Variants in GVQW3 observed in about 807,000 individuals in gnomAD.
The protein encoded by GVQW3 is protein GVQW3.
GVQW3 carries 7 observed loss-of-function variants against 12.5 expected under a neutral mutation model. That is an observed-to-expected ratio of 0.56 (90% confidence interval 0.32 to 1.05). The LOEUF is 1.05. Ranked by LOEUF, GVQW3 falls within the 50% of genes least tolerant of loss-of-function variation. The pLI is 0.04. For missense variants in GVQW3, 188 were observed against 190.8 expected (o/e 0.99, Z 0.09); for synonymous variants, 71 against 67.2 (o/e 1.06, Z -0.28).
intron 1 of GVQW3, among the ~76,000 whole-genome samples, chr11:76,393,566 T>A (rs1946912550): frequency 6.6e-6 from 1 of 152,128 alleles, no homozygotes; most frequent in Non-Finnish European, 1.5e-5. Context: ...GTGCCTGGAA[T>A]CCCTCTCTGC....
In GVQW3 at chr11:76,397,612, T is replaced by G. The variant is rs111929699; in HGVS notation, c.466-6048T>G. On this transcript the variant is annotated intron_variant, in intron 1 of 1. Transcript: ENST00000529331. ...TTGTAACATTTGTTAATTTCTAGAG[T>G]GTAAATATTCAAATTACCAATGTGG... Among the ~76,000 whole-genome samples, 910 of 152,262 alleles carry G rather than the reference T, an allele frequency of 6.0e-3. 5 individuals are homozygous for G. Among genetic ancestry groups the G allele is most frequent in the African/African-American group, 0.019 (786 of 41,552 alleles).
chr11:76,405,488 G>C lies in GVQW3; in HGVS notation c.*1730G>C, dbSNP rs1947030892. The C allele has an allele frequency of 6.6e-6, 1 of 152,086 alleles. No homozygotes were observed. The highest frequency in any genetic ancestry group is 6.6e-5 in the Admixed American group (1 of 15,244). The allele number at this position is 152,086 out of a possible 1,614,324, so 9.4% of individuals were successfully genotyped here. A position where few individuals can be genotyped will look rare whatever the true frequency, so the allele number is the denominator to read the frequency against. ...GAAGTAGCATCCTCCTTTACTAATG[G>C]GACCTAACACACAGCTGGCAAAAGG... On this transcript the variant is annotated 3_prime_UTR_variant, in exon 2 of 2. Transcript: ENST00000529331.
chr11:76,395,285 A>C (rs959579321), intron 1 of GVQW3, among the ~76,000 whole-genome samples: 1 of 152,242 alleles, frequency 6.6e-6, no homozygotes, highest in Non-Finnish European at 1.5e-5. Flanking sequence ...CTCATTAAGC[A>C]GTCATTCTCC....
chr11:76,409,864 T>C (rs946792533), downstream of GVQW3, among the ~76,000 whole-genome samples: 3 of 152,184 alleles, frequency 2.0e-5, no homozygotes, highest in Non-Finnish European at 4.4e-5. Flanking sequence ...AAACAATTTA[T>C]TGATCAGTGC....
chr11:76,399,947 G>A (rs764019467), intron 1 of GVQW3, among the ~76,000 whole-genome samples: 7 of 149,860 alleles, frequency 4.7e-5, no homozygotes, highest in Non-Finnish European at 1.0e-4. Flanking sequence ...CTCAGCCTCC[G>A]TAATTGCCTC....
At chr11:76,384,241 C>A (rs976046857) in intron 1 of GVQW3, among the ~76,000 whole-genome samples, 6 of 152,250 alleles carry the variant, frequency 3.9e-5, no homozygotes, top group Admixed American at 3.9e-4. Context: ...AACACTCATT[C>A]ATCACAGTTA....
At chr11:76,413,935 T>G (rs1436953221) in exon 2 of GVQW3, 1 of 152,146 alleles carries the variant, frequency 6.6e-6, no homozygotes, top group Non-Finnish European at 1.5e-5. Context: ...ATCACTGAGA[T>G]AGAGGATAGA....
chr11:76,401,043 T>A (rs1014178054), intron 1 of GVQW3, among the ~76,000 whole-genome samples: 87 of 151,280 alleles, frequency 5.8e-4, no homozygotes, highest in African/African-American at 2.0e-3. Context: ...ATATATATAT[T>A]TTTTCTCTTT....
intron 1 of GVQW3, among the ~76,000 whole-genome samples, chr11:76,387,927 A>G (rs769372745): frequency 5.3e-5 from 8 of 152,118 alleles, no homozygotes; most frequent in Non-Finnish European, 1.2e-4. Context: ...TGTCTCAAAC[A>G]AAAAAAAGAA....
chr11:76,384,514 G>C (rs1020011750), intron 1 of GVQW3, among the ~76,000 whole-genome samples: 4 of 152,082 alleles, frequency 2.6e-5, no homozygotes, highest in Admixed American at 2.6e-4. Context: ...GTAGAGGCGG[G>C]GTTTCACCAT....
In GVQW3 at chr11:76,381,590, A is replaced by G. The variant is rs749224330; in HGVS notation, c.-239A>G. Reference sequence around the variant, plus strand: ...ACTGGTTTGATGCAGACGTGGTTGTAGGCGATTTAATTTTTCCCAGCTTTG... The same window carrying G: ...ACTGGTTTGATGCAGACGTGGTTGTGGGCGATTTAATTTTTCCCAGCTTTG... On this transcript the variant is annotated 5_prime_UTR_variant, in exon 1 of 2. The change abolishes the stop of an existing upstream ORF in the 5' untranslated region. Transcript: ENST00000529331. 1 of 460,784 alleles carries G rather than the reference A, an allele frequency of 2.2e-6. No homozygotes were observed. The highest frequency in any genetic ancestry group is 3.8e-6 in the Non-Finnish European group (1 of 260,284). The allele number at this position is 460,784 out of a possible 1,614,324, so 28.5% of individuals were successfully genotyped here.
At chr11:76,414,198 C>T (rs1947100086) in exon 2 of GVQW3, 1 of 152,124 alleles carries the variant, frequency 6.6e-6, no homozygotes, top group South Asian at 2.1e-4. Flanking sequence ...CTTTGTACTT[C>T]CTATTAGTCT....
chr11:76,414,282 G>A (rs1437393283), exon 2 of GVQW3: 2 of 151,936 alleles, frequency 1.3e-5, no homozygotes. Context: ...TGTGGAACTG[G>A]GAACTTCTAT....
At chr11:76,382,373 T>G (rs1946784626) in intron 1 of GVQW3, 80 bp downstream of exon 1, 9 of 896,558 alleles carry the variant, frequency 1.0e-5, no homozygotes, top group African/African-American at 1.6e-5. Context: ...CATCCCAGAG[T>G]CCACTACTCT....
intron 1 of GVQW3, among the ~76,000 whole-genome samples, 172 bp from the exon 2 acceptor site, chr11:76,403,488 G>A (rs1432628123): frequency 6.6e-6 from 1 of 152,036 alleles, no homozygotes; most frequent in Non-Finnish European, 1.5e-5. Context: ...TGTTTGTTTA[G>A]AAACAGGATA....
intron 1 of GVQW3, among the ~76,000 whole-genome samples, chr11:76,395,614 G>T (rs767155267): frequency 6.6e-6 from 1 of 152,076 alleles, no homozygotes; most frequent in Non-Finnish European, 1.5e-5. Context: ...TTTCTGTCTA[G>T]CCCTGGTTCC....
chr11:76,402,749 C>G (rs543195508), intron 1 of GVQW3, among the ~76,000 whole-genome samples: 1 of 151,802 alleles, frequency 6.6e-6, no homozygotes, highest in African/African-American at 2.4e-5. Context: ...GAAAGGGTAT[C>G]ATTCTGTCAC....
At chr11:76,402,614 A>C (rs1947002121) in intron 1 of GVQW3, among the ~76,000 whole-genome samples, 1 of 152,072 alleles carries the variant, frequency 6.6e-6, no homozygotes, top group Non-Finnish European at 1.5e-5. Context: ...TATAGCAAGG[A>C]GTGCGATGTG....
In GVQW3 at chr11:76,382,086, G is replaced by T; in HGVS notation, c.258G>T (p.Arg86Ser). 6.5e-7 allele frequency: 1 copy of T among 1,536,620 alleles called. No individual in the cohort carries two copies. The change falls in exon 1 of 2, where the codon AGG becomes AGT. Residue 86 changes from arginine to serine, a missense_variant. By Grantham distance (110) the Arg-to-Ser change is moderately radical (BLOSUM62 -1). Coordinates refer to ENST00000529331, the MANE Select transcript of GVQW3 (RefSeq NM_001347885.2). Reference protein sequence around the residue: ...QKVKDLVCSNRQLTVRMMAEE... With the variant: ...QKVKDLVCSNSQLTVRMMAEE... ...TCAAGGACTTGGTTTGTTCAAACAG[G>T]CAGTTAACCGTGAGGATGATGGCTG... is the stretch of plus-strand genomic sequence containing the variant.
Sources: allele counts gnomAD v4.1 joint callset (sites outside exome capture counted in the v4.1 genomes callset), GRCh38; gene constraint gnomAD v4.1.1; transcripts MANE v1.5; gene names NCBI Gene and HGNC (gene_info 2026-07-23, HGNC 2026-07-21).